MALSU1: variants seen among roughly 807,000 people sequenced by gnomAD.
The protein encoded by MALSU1 is mitochondrial assembly of ribosomal large subunit 1.
A neutral mutation model predicts 22.1 loss-of-function variants in MALSU1; 22 were observed. The ratio of observed to expected loss-of-function variants is 1.00; its 90% CI spans 0.71 to 1.42. MALSU1 has a LOEUF of 1.42. Ranked by LOEUF, MALSU1 falls within the 40% of genes most tolerant of loss-of-function variation. The probability of loss-of-function intolerance (pLI) is 0.00; values close to 1 mark genes in which losing one functional copy is unlikely to be tolerated. For missense variants in MALSU1, 379 were observed against 308.3 expected (o/e 1.23, Z -1.72); for synonymous variants, 153 against 118.5 (o/e 1.29, Z -1.89).
Position 23,311,394 on chromosome 7 carries a change from TCA to T in MALSU1, c.*1852_*1853del, listed in dbSNP as rs1420387772. 2 of 152,630 alleles carry T rather than the reference TCA, an allele frequency of 1.3e-5. No homozygotes were observed. The highest frequency in any genetic ancestry group is 2.9e-5 in the Non-Finnish European group (2 of 68,038). 9.5% of individuals were successfully genotyped at this position (152,630 alleles called of 1,614,324 possible). On this transcript the variant is annotated 3_prime_UTR_variant, in exon 4 of 4. Coordinates refer to ENST00000466681, the MANE Select transcript of MALSU1 (RefSeq NM_138446.2). The stretch of plus-strand genomic sequence containing the variant: ...GAAGCACAAAGCATTTATTATGCAT[TCA>T]ATCATGTAGCTAAACAAAAAACTGA...
intron 2 of MALSU1, among the ~76,000 whole-genome samples, chr7:23,301,639 T>C (rs1783650371): frequency 6.6e-6 from 1 of 152,192 alleles, no homozygotes; most frequent in African/African-American, 2.4e-5. Flanking sequence ...TCCATTACGG[T>C]AGCCACTAGC....
intron 2 of MALSU1, among the ~76,000 whole-genome samples, chr7:23,301,805 C>T (rs897633362): frequency 2.3e-4 from 35 of 152,004 alleles, no homozygotes; most frequent in African/African-American, 8.5e-4. Context: ...GCCGTCTTTA[C>T]TAAAAATACA....
intron 2 of MALSU1, chr7:23,307,602 C>G: frequency 5.8e-6 from 2 of 341,916 alleles, no homozygotes; most frequent in Non-Finnish European, 1.1e-5. Context: ...TTAGCTTTTT[C>G]AGCCTCAGAG....
intron 3 of MALSU1, 56 bp from the exon 4 acceptor site, chr7:23,309,300 A>C (rs1176036198): frequency 3.4e-6 from 5 of 1,466,580 alleles, no homozygotes; most frequent in Non-Finnish European, 4.6e-6. Flanking sequence ...GTTGTAAGGT[A>C]AGAATAAAAG....
In MALSU1 at chr7:23,310,187, T is replaced by TA. The variant is rs1467299504; in HGVS notation, c.*648dup. On this transcript the variant is annotated 3_prime_UTR_variant, in exon 4 of 4. Coordinates refer to ENST00000466681, the MANE Select transcript of MALSU1 (RefSeq NM_138446.2). Reference sequence around the variant, plus strand: ...TTCCCATTCAATTGAAAACCAAAAATAAAACATACTACACAACAAGCTGCA... The same window carrying TA: ...TTCCCATTCAATTGAAAACCAAAAATAAAAACATACTACACAACAAGCTGCA... The TA allele has an allele frequency of 1.3e-5, 2 of 152,068 alleles. No individual in the cohort carries two copies. Among genetic ancestry groups the TA allele is most frequent in the Admixed American group, 1.3e-4 (2 of 15,254 alleles). 9.4% of individuals were successfully genotyped at this position (152,068 alleles called of 1,614,324 possible).
intron 2 of MALSU1, among the ~76,000 whole-genome samples, chr7:23,305,032 C>G (rs759672209): frequency 2.6e-5 from 4 of 152,114 alleles, no homozygotes; most frequent in Non-Finnish European, 5.9e-5. Flanking sequence ...CTATTTTCTT[C>G]TAAGAGTTTT....
chr7:23,304,230 A>G (rs1455119692), intron 2 of MALSU1, among the ~76,000 whole-genome samples: 1 of 152,154 alleles, frequency 6.6e-6, no homozygotes, highest in Non-Finnish European at 1.5e-5. Context: ...AGCCTAGCAC[A>G]AAGCTGAATG....
Position 23,310,872 on chromosome 7 carries a change from TC to T in MALSU1, c.*1330del, listed in dbSNP as rs1305926849. 2.6e-5 allele frequency: 4 copies of T among 152,046 alleles called. No individual in the cohort carries two copies. Among genetic ancestry groups the T allele is most frequent in the Admixed American group, 6.6e-5 (1 of 15,256 alleles). The allele number at this position is 152,046 out of a possible 1,614,324, so 9.4% of individuals were successfully genotyped here. On this transcript the variant is annotated 3_prime_UTR_variant, in exon 4 of 4. Coordinates refer to ENST00000466681, the MANE Select transcript of MALSU1 (RefSeq NM_138446.2). ...CATCTTACAAACAAAACTCAAAAAA[TC>T]AATTCAGAGAGCAGCGTGGCCTTGG...
intron 1 of MALSU1, 120 bp from the exon 2 acceptor site, chr7:23,300,719 G>A: frequency 1.2e-6 from 1 of 853,382 alleles, no homozygotes; most frequent in South Asian, 1.6e-5. Context: ...CCTGCTATCT[G>A]TAAAAACACT....
At chr7:23,300,416 G>C (rs1056478400) in intron 1 of MALSU1, among the ~76,000 whole-genome samples, 1 of 152,078 alleles carries the variant, frequency 6.6e-6, no homozygotes, top group Admixed American at 6.5e-5. Flanking sequence ...AGCCCTTCCA[G>C]CTCACAATTC....
Position 23,309,712 on chromosome 7 carries a change from T to C in MALSU1, c.*169T>C, listed in dbSNP as rs2128489811. ...GCAGAGACTGTCGATAAGTGAGCTATACCTGCAACCAAAAATCAGTACATT... is the reference window on the plus strand; with the variant it reads ...GCAGAGACTGTCGATAAGTGAGCTACACCTGCAACCAAAAATCAGTACATT... On this transcript the variant is annotated 3_prime_UTR_variant, in exon 4 of 4. Transcript: ENST00000466681. The C allele has an allele frequency of 4.5e-6, 2 of 443,120 alleles. No homozygotes were observed. Among genetic ancestry groups the C allele is most frequent in the South Asian group, 4.8e-5 (1 of 20,634 alleles). 27.4% of individuals were successfully genotyped at this position (443,120 alleles called of 1,614,324 possible). A position where few individuals can be genotyped will look rare whatever the true frequency, so the allele number is the denominator to read the frequency against.
intron 2 of MALSU1, among the ~76,000 whole-genome samples, chr7:23,304,311 CAG>C (rs1283158088): frequency 2.0e-5 from 3 of 152,132 alleles, no homozygotes; most frequent in East Asian, 1.9e-4. Flanking sequence ...TCTAGCAGTG[CAG>C]AGTTTCCAGT....
chr7:23,299,727 C>T (rs1783616254), intron 1 of MALSU1, 119 bp downstream of exon 1: 2 of 1,183,502 alleles, frequency 1.7e-6, no homozygotes, highest in Non-Finnish European at 1.2e-6. Context: ...AAAACTCCTG[C>T]ACATCCAGAG....
rs1783785317 is a variant in MALSU1 at position 23,309,918 on chromosome 7, A to AAACAT, written c.*377_*381dup. The AAACAT allele has an allele frequency of 6.5e-6, 1 of 154,284 alleles. No individual in the cohort carries two copies. The highest frequency in any genetic ancestry group is 6.5e-5 in the Admixed American group (1 of 15,378). The allele number at this position is 154,284 out of a possible 1,614,324, so 9.6% of individuals were successfully genotyped here. ...GGCAAAAATTTTAAAAAATAATATA[A>AAACAT]AACATAGCCCACTGGTCTTATTTTT... On this transcript the variant is annotated 3_prime_UTR_variant, in exon 4 of 4. Coordinates refer to ENST00000466681, the MANE Select transcript of MALSU1 (RefSeq NM_138446.2).
intron 2 of MALSU1, among the ~76,000 whole-genome samples, chr7:23,303,573 G>C (rs1040541052): frequency 3.9e-5 from 6 of 152,122 alleles, no homozygotes; most frequent in Non-Finnish European, 7.4e-5. Context: ...AAGGTGGGCG[G>C]ATTGCTTGAG....
intron 3 of MALSU1, among the ~76,000 whole-genome samples, chr7:23,308,524 C>T (rs1408409012): frequency 3.3e-5 from 5 of 152,106 alleles, no homozygotes; most frequent in Non-Finnish European, 5.9e-5. Context: ...TACATTGTCC[C>T]GCCAGTTTTC....
rs1052580730 is a variant in MALSU1, at chr7:23,311,508, T to C, written c.*1965T>C. 5 of 152,378 alleles carry C rather than the reference T, an allele frequency of 3.3e-5. No individual in the cohort carries two copies. Among genetic ancestry groups the C allele is most frequent in the African/African-American group, 1.2e-4 (5 of 41,436 alleles). 9.4% of individuals were successfully genotyped at this position (152,378 alleles called of 1,614,324 possible). A position where few individuals can be genotyped will look rare whatever the true frequency, so the allele number is the denominator to read the frequency against. Reference sequence around the variant, plus strand: ...CGTCAAAAACTTTCCCAACTATAAATGAAAGAATAAATGGTAGTGCTGCTC... The same window carrying C: ...CGTCAAAAACTTTCCCAACTATAAACGAAAGAATAAATGGTAGTGCTGCTC... On this transcript the variant is annotated 3_prime_UTR_variant, in exon 4 of 4. Coordinates refer to ENST00000466681, the MANE Select transcript of MALSU1 (RefSeq NM_138446.2).
chr7:23,307,820 G>C (rs758680810), intron 2 of MALSU1, 48 bp from the exon 3 acceptor site: 4 of 1,220,976 alleles, frequency 3.3e-6, no homozygotes, highest in Admixed American at 1.9e-5. Flanking sequence ...GCAAGAACAG[G>C]CTTCCCCCAT....
At chr7:23,302,333 A>G (rs968724012) in intron 2 of MALSU1, among the ~76,000 whole-genome samples, 2 of 152,236 alleles carry the variant, frequency 1.3e-5, no homozygotes, top group African/African-American at 4.8e-5. Flanking sequence ...CCACGGGGCC[A>G]TGATACCTTT....
Sources: gnomAD v4.1 joint callset for allele counts (sites outside exome capture counted in the v4.1 genomes callset) on GRCh38, gnomAD v4.1.1 for gene constraint, MANE v1.5 for transcripts, NCBI Gene and HGNC (gene_info 2026-07-23, HGNC 2026-07-21) for gene names.